The following RRAD variants were observed in gnomAD, a reference collection of about 807,000 sequenced individuals.
RRAD encodes RRAD, Ras related glycolysis inhibitor and calcium channel regulator.
In RRAD, 15 loss-of-function variants were observed where a neutral mutation model predicts 24.7. The ratio of observed to expected loss-of-function variants is 0.61; its 90% CI spans 0.41 to 0.93. The LOEUF is 0.93. Among genes scored for constraint, RRAD ranks in the 40% least tolerant of loss-of-function variants. The probability of loss-of-function intolerance (pLI) is 0.00; values close to 1 mark genes in which losing one functional copy is unlikely to be tolerated. For synonymous variants in RRAD, 180 were observed against 189.8 expected (o/e 0.95, Z 0.43); for missense variants, 438 against 452.2 (o/e 0.97, Z 0.29).
chr16:66,923,859 T>TCG lies in RRAD; in HGVS notation c.429_430dup (p.Asp144AlafsTer29). ...CTTGCACCCTACCTGCTCCCAAATG[T>TCG]CGTAGACCATGAGTGATGCCTCTTC... On this transcript the variant is annotated frameshift_variant, in exon 3 of 5. Coordinates refer to ENST00000299759, the MANE Select transcript of RRAD (RefSeq NM_004165.3). LOFTEE classifies it high-confidence loss of function. The surrounding 1 kb of genome is among the most constrained non-coding windows in gnomAD (Gnocchi z 4.9). The TCG allele has an allele frequency of 6.2e-7, 1 of 1,613,988 alleles. No homozygotes were observed. The highest frequency in any genetic ancestry group is 8.5e-7 in the Non-Finnish European group (1 of 1,179,978).
chr16:66,922,409 TC>T, intron 4 of RRAD, 56 bp from the exon 5 acceptor site: 1 of 1,519,414 alleles, frequency 6.6e-7, no homozygotes, highest in Non-Finnish European at 8.8e-7. Context: ...GAATGAGGAG[TC>T]CCCTCCAACA....
chr16:66,924,558 T>G lies in RRAD; in HGVS notation c.370+252A>C, dbSNP rs1490074567. 2.0e-5 allele frequency among the ~76,000 whole-genome samples: 3 copies of G among 151,982 alleles called. No homozygotes were observed. Among genetic ancestry groups the G allele is most frequent in the African/African-American group, 7.3e-5 (3 of 41,360 alleles). On this transcript the variant is annotated intron_variant, in intron 2 of 4. Transcript: ENST00000299759. This position sits in a 1 kb window ranked among gnomAD's most constrained non-coding sequence, Gnocchi z 4.2. Reference sequence around the variant, plus strand: ...CAGGCGCCTGTAATCCTAGCTACTCTGGAGGCTGAGGCAGGAGAATCCCTT... The same window carrying G: ...CAGGCGCCTGTAATCCTAGCTACTCGGGAGGCTGAGGCAGGAGAATCCCTT...
Position 66,925,232 on chromosome 16 carries a change from G to A in RRAD, c.-15-38C>T. 8.2e-7 allele frequency: 1 copy of A among 1,223,888 alleles called. No individual in the cohort carries two copies. The highest frequency in any genetic ancestry group is 1.0e-6 in the Non-Finnish European group (1 of 982,038). The allele number at this position is 1,223,888 out of a possible 1,614,324, so 75.8% of individuals were successfully genotyped here. On this transcript the variant is annotated intron_variant, in intron 1 of 4. Coordinates refer to ENST00000299759, the MANE Select transcript of RRAD (RefSeq NM_004165.3). The surrounding 1 kb of genome is among the most constrained non-coding windows in gnomAD (Gnocchi z 5.2). Reference sequence around the variant, plus strand: ...GAACCCGAGTGGCCGTGTAAGCCGCGAGGGAGGCGGGACCCGGGGCGCACC... The same window carrying A: ...GAACCCGAGTGGCCGTGTAAGCCGCAAGGGAGGCGGGACCCGGGGCGCACC...
chr16:66,923,691 G>A lies in RRAD; in HGVS notation c.474C>T (p.Cys158=), dbSNP rs1316007540. Residue 158 remains cysteine (C), a synonymous_variant, in exon 4 of 5, where the codon TGC becomes TGT. Coordinates refer to ENST00000299759, the MANE Select transcript of RRAD (RefSeq NM_004165.3). This position sits in a 1 kb window ranked among gnomAD's most constrained non-coding sequence, Gnocchi z 4.9. ...QDGGRWLPGH[C]MAMGDAYVIV... ...TGACATAGGCATCCCCCATGGCCATGCAGTGGCCGGGCAACCAGCGGCCCC... is the reference window on the plus strand; with the variant it reads ...TGACATAGGCATCCCCCATGGCCATACAGTGGCCGGGCAACCAGCGGCCCC... 1.2e-6 allele frequency: 2 copies of A among 1,613,986 alleles called. No individual in the cohort carries two copies. The highest frequency in any genetic ancestry group is 1.7e-6 in the Non-Finnish European group (2 of 1,180,028).
Position 66,923,799 on chromosome 16 carries a change from C to G in RRAD, c.444+47G>C. ...GCCTGGCACTCCCAGACCTCTAACC[C>G]AACTCACTCCTCCCTCCCCTGCCCT... On this transcript the variant is annotated intron_variant, in intron 3 of 4. Transcript: ENST00000299759. This position sits in a 1 kb window ranked among gnomAD's most constrained non-coding sequence, Gnocchi z 4.9. 6.2e-7 allele frequency: 1 copy of G among 1,609,790 alleles called. No individual in the cohort carries two copies. Among genetic ancestry groups the G allele is most frequent in the Non-Finnish European group, 8.5e-7 (1 of 1,176,170 alleles).
rs535913855 is a variant in RRAD at position 66,922,086 on chromosome 16, G to C, written c.917C>G (p.Ser306Trp). 6.2e-7 allele frequency: 1 copy of C among 1,606,152 alleles called. No individual in the cohort carries two copies. The highest frequency in any genetic ancestry group is 8.5e-7 in the Non-Finnish European group (1 of 1,173,164). ...RAKSKSCHDL[S>W]VL ...GGGAGCGGGTGGGACCTAGAGAACC[G>C]AGAGGTCGTGGCAGGACTTGGATTT... Residue 306 changes from serine (S) to tryptophan (W), a missense_variant, in exon 5 of 5, where the codon TCG becomes TGG. Ser to Trp is a radical substitution (Grantham distance 177). Coordinates refer to ENST00000299759, the MANE Select transcript of RRAD (RefSeq NM_004165.3).
Position 66,923,308 on chromosome 16 carries a change from C to G in RRAD, c.649+208G>C, listed in dbSNP as rs1203355623. On this transcript the variant is annotated intron_variant, in intron 4 of 4. Coordinates refer to ENST00000299759, the MANE Select transcript of RRAD (RefSeq NM_004165.3). This position sits in a 1 kb window ranked among gnomAD's most constrained non-coding sequence, Gnocchi z 4.9. ...GAGGGCCCTGCGGTGCCCAGCTCCC[C>G]TATCAGATTTGGTTCTTTCCCCAGC... Among the ~76,000 whole-genome samples, 1 of 152,214 alleles carries G rather than the reference C, an allele frequency of 6.6e-6. No homozygotes were observed. The highest frequency in any genetic ancestry group is 2.4e-5 in the African/African-American group (1 of 41,444).
chr16:66,924,699 T>TAATAATAATAATAATAATAATAAC lies in RRAD; in HGVS notation c.370+110_370+111insGTTATTATTATTATTATTATTATT, dbSNP rs111919092. 3.0e-6 allele frequency: 2 copies of TAATAATAATAATAATAATAATAAC among 662,444 alleles called. No individual in the cohort carries two copies. Among genetic ancestry groups the TAATAATAATAATAATAATAATAAC allele is most frequent in the East Asian group, 3.6e-5 (1 of 27,692 alleles). 41.0% of individuals were successfully genotyped at this position (662,444 alleles called of 1,614,324 possible). A position where few individuals can be genotyped will look rare whatever the true frequency, so the allele number is the denominator to read the frequency against. On this transcript the variant is annotated intron_variant, in intron 2 of 4. Coordinates refer to ENST00000299759, the MANE Select transcript of RRAD (RefSeq NM_004165.3). The surrounding 1 kb of genome is among the most constrained non-coding windows in gnomAD (Gnocchi z 4.2). Reference sequence around the variant, plus strand: ...AATAAAATAATAATAATAATAATAATAACAACAACAACAACTATAATTCCA... The same window carrying TAATAATAATAATAATAATAATAAC: ...AATAAAATAATAATAATAATAATAATAATAATAATAATAATAATAATAACAACAACAACAACAACTATAATTCCA...
In RRAD at chr16:66,923,784, C is replaced by A; in HGVS notation, c.444+62G>T. The A allele has an allele frequency of 6.2e-7, 1 of 1,610,278 alleles. No individual in the cohort carries two copies. Among genetic ancestry groups the A allele is most frequent in the Non-Finnish European group, 8.5e-7 (1 of 1,176,596 alleles). The stretch of plus-strand genomic sequence containing the variant: ...ATGCCCCCGACACGAGCCTGGCACT[C>A]CCAGACCTCTAACCCAACTCACTCC... On this transcript the variant is annotated intron_variant, in intron 3 of 4. Coordinates refer to ENST00000299759, the MANE Select transcript of RRAD (RefSeq NM_004165.3). This position sits in a 1 kb window ranked among gnomAD's most constrained non-coding sequence, Gnocchi z 4.9.
chr16:66,923,747 C>A lies in RRAD; in HGVS notation c.445-27G>T, dbSNP rs1468574439. The A allele has an allele frequency of 6.2e-7, 1 of 1,613,528 alleles. No individual in the cohort carries two copies. Among genetic ancestry groups the A allele is most frequent in the Non-Finnish European group, 8.5e-7 (1 of 1,179,668 alleles). ...TGGAGAACACACAACACACATCTGC[C>A]CAACAGTCCTCATGCCCCCGACACG... is the stretch of plus-strand genomic sequence containing the variant. On this transcript the variant is annotated intron_variant, in intron 3 of 4. Coordinates refer to ENST00000299759, the MANE Select transcript of RRAD (RefSeq NM_004165.3). This position sits in a 1 kb window ranked among gnomAD's most constrained non-coding sequence, Gnocchi z 4.9.
Position 66,922,260 on chromosome 16 carries a change from A to T in RRAD, c.743T>A (p.Val248Glu). 6.2e-7 allele frequency: 1 copy of T among 1,614,056 alleles called. No homozygotes were observed. The highest frequency in any genetic ancestry group is 8.5e-7 in the Non-Finnish European group (1 of 1,179,938). ...GTCCCTGCGCAGGCGTATCTGGCGC[A>T]CGACACCTTCAAACAGCGCCTGGAC... ...HNVQALFEGV[V>E]RQIRLRRDSK... is the part of the protein sequence containing the mutation. The change falls in exon 5 of 5, where the codon GTG becomes GAG. Residue 248 changes from valine to glutamate, a missense_variant. Val to Glu is a moderately radical substitution (Grantham distance 121). Transcript: ENST00000299759.
intron 4 of RRAD, 50 bp from the exon 5 acceptor site, chr16:66,922,403 G>A (rs761648839): frequency 4.6e-6 from 7 of 1,531,926 alleles, no homozygotes; most frequent in Middle Eastern, 2.1e-4. Context: ...GTGGGTGAAT[G>A]AGGAGTCCCC....
Position 66,923,973 on chromosome 16 carries a change from C to T in RRAD, c.371-54G>A. The T allele has an allele frequency of 6.9e-7, 1 of 1,457,492 alleles. No homozygotes were observed. Among genetic ancestry groups the T allele is most frequent in the South Asian group, 1.1e-5 (1 of 87,950 alleles). 90.3% of individuals were successfully genotyped at this position (1,457,492 alleles called of 1,614,324 possible). A position where few individuals can be genotyped will look rare whatever the true frequency, so the allele number is the denominator to read the frequency against. On this transcript the variant is annotated intron_variant, in intron 2 of 4. Transcript: ENST00000299759. The surrounding 1 kb of genome is among the most constrained non-coding windows in gnomAD (Gnocchi z 4.9). Reference sequence around the variant, plus strand: ...CAGCTGGTTGTCAAAGCCGCTGCTGCCAGGTTTCCTGTTCTGGCCACACCC... The same window carrying T: ...CAGCTGGTTGTCAAAGCCGCTGCTGTCAGGTTTCCTGTTCTGGCCACACCC...
Position 66,921,779 on chromosome 16 carries a change from G to GA in RRAD, c.*296dup. On this transcript the variant is annotated 3_prime_UTR_variant, in exon 5 of 5. Coordinates refer to ENST00000299759, the MANE Select transcript of RRAD (RefSeq NM_004165.3). ...TCCAGGGCAGGCACACCCGGGCTGT[G>GA]AAAAAAGGCAGAGTCCTCTCCCGGC... 2 of 363,376 alleles carry GA rather than the reference G, an allele frequency of 5.5e-6. No homozygotes were observed. Among genetic ancestry groups the GA allele is most frequent in the Non-Finnish European group, 9.9e-6 (2 of 201,210 alleles). 22.5% of individuals were successfully genotyped at this position (363,376 alleles called of 1,614,324 possible).
In RRAD at chr16:66,923,483, T is replaced by G. The variant is rs930762470; in HGVS notation, c.649+33A>C. ...TGCCTGGATCAGGGCCCAGCTGGGCTCTCCCTCCCCCTGCAACCTGCCGCC... is the reference window on the plus strand; with the variant it reads ...TGCCTGGATCAGGGCCCAGCTGGGCGCTCCCTCCCCCTGCAACCTGCCGCC... On this transcript the variant is annotated intron_variant, in intron 4 of 4. Transcript: ENST00000299759. This position sits in a 1 kb window ranked among gnomAD's most constrained non-coding sequence, Gnocchi z 4.9. The G allele has an allele frequency of 4.5e-6, 7 of 1,564,368 alleles. No individual in the cohort carries two copies. Among genetic ancestry groups the G allele is most frequent in the Middle Eastern group, 4.2e-4 (2 of 4,782 alleles).
intron 4 of RRAD, among the ~76,000 whole-genome samples, chr16:66,922,673 G>GTACTT (rs532333414): frequency 1.3e-5 from 2 of 152,102 alleles, no homozygotes; most frequent in African/African-American, 4.8e-5. Context: ...GGACAACTTA[G>GTACTT]TATTTTATTT....
Position 66,923,875 on chromosome 16 carries a change from A to G in RRAD, c.415T>C (p.Ser139Pro). 1 of 1,614,016 alleles carries G rather than the reference A, an allele frequency of 6.2e-7. No individual in the cohort carries two copies. Among genetic ancestry groups the G allele is most frequent in the Non-Finnish European group, 8.5e-7 (1 of 1,179,964 alleles). Reference protein sequence around the residue: ...RSIVVDGEEASLMVYDIWEQD... With the variant: ...RSIVVDGEEAPLMVYDIWEQD... ...TCCCAAATGTCGTAGACCATGAGTG[A>G]TGCCTCTTCTCCGTCCACTACAATG... Residue 139 changes from serine (S) to proline (P), a missense_variant, in exon 3 of 5, where the codon TCA becomes CCA. Coordinates refer to ENST00000299759, the MANE Select transcript of RRAD (RefSeq NM_004165.3). This position sits in a 1 kb window ranked among gnomAD's most constrained non-coding sequence, Gnocchi z 4.9.
At position 66,923,771 on chromosome 16, in the gene RRAD, C is replaced by G. The variant is rs767755675; in HGVS notation, c.445-51G>C. 2.5e-6 allele frequency: 4 copies of G among 1,610,988 alleles called. No homozygotes were observed. Among genetic ancestry groups the G allele is most frequent in the East Asian group, 4.5e-5 (2 of 44,854 alleles). ...CCCAACAGTCCTCATGCCCCCGACA[C>G]GAGCCTGGCACTCCCAGACCTCTAA... On this transcript the variant is annotated intron_variant, in intron 3 of 4. Coordinates refer to ENST00000299759, the MANE Select transcript of RRAD (RefSeq NM_004165.3). This position sits in a 1 kb window ranked among gnomAD's most constrained non-coding sequence, Gnocchi z 4.9.
In RRAD at chr16:66,925,163, C is replaced by A. The variant is rs927065377; in HGVS notation, c.17G>T (p.Gly6Val). Residue 6 changes from glycine (G) to valine (V), a missense_variant, in exon 2 of 5, where the codon GGC becomes GTC. Coordinates refer to ENST00000299759, the MANE Select transcript of RRAD (RefSeq NM_004165.3). This position sits in a 1 kb window ranked among gnomAD's most constrained non-coding sequence, Gnocchi z 5.2. MTLNGGGSGAGGSRGG... is the reference protein window; with the variant it reads MTLNGVGSGAGGSRGG... ...GCGGCTCCCGCCCGCTCCGCTGCCG[C>A]CGCCGTTCAGGGTCATCGCGTCCGG... is the stretch of plus-strand genomic sequence containing the variant. 29 of 1,236,066 alleles carry A rather than the reference C, an allele frequency of 2.3e-5. No homozygotes were observed. Among genetic ancestry groups the A allele is most frequent in the Non-Finnish European group, 2.7e-5 (27 of 990,524 alleles). 76.6% of individuals were successfully genotyped at this position (1,236,066 alleles called of 1,614,324 possible).
Sources: allele counts gnomAD v4.1 joint callset (sites outside exome capture counted in the v4.1 genomes callset), GRCh38; gene constraint gnomAD v4.1.1; non-coding constraint Gnocchi (gnomAD v3.1); transcripts MANE v1.5; gene names NCBI Gene and HGNC (gene_info 2026-07-23, HGNC 2026-07-21).